The following SGO2 variants were observed in gnomAD, a reference collection of about 807,000 sequenced individuals.
SGO2 encodes the protein shugoshin 2, also known as shugoshin-like 2.
In SGO2, 68 loss-of-function variants were observed where a neutral mutation model predicts 99.5. That is an observed-to-expected ratio of 0.68 (90% confidence interval 0.56 to 0.84). The LOEUF (loss-of-function observed/expected upper bound fraction) is 0.84. Among genes scored for constraint, SGO2 ranks in the 40% least tolerant of loss-of-function variants. SGO2 has a pLI of 0.00. For missense variants in SGO2, 1,350 were observed against 1,436.7 expected (o/e 0.94, Z 0.97); for synonymous variants, 457 against 487.1 (o/e 0.94, Z 0.81).
chr2:200,553,041 G>A (rs947181069), intron 5 of SGO2, among the ~76,000 whole-genome samples: 3 of 152,156 alleles, frequency 2.0e-5, no homozygotes, highest in African/African-American at 7.2e-5. Context: ...CTGAATAGGG[G>A]TGATAATATT....
intron 5 of SGO2, among the ~76,000 whole-genome samples, chr2:200,562,416 A>C (rs1412978235): frequency 6.6e-6 from 1 of 152,074 alleles, no homozygotes; most frequent in Non-Finnish European, 1.5e-5. Flanking sequence ...ATTGGTCTAT[A>C]TCTCTGTTTT....
At chr2:200,532,839 A>T in intron 1 of SGO2, 135 bp from the exon 2 acceptor site, 1 of 951,498 alleles carries the variant, frequency 1.1e-6, no homozygotes, top group Non-Finnish European at 1.5e-6. Context: ...ATACTTTCAG[A>T]TTTTATGTAA....
At chr2:200,548,452 G>A (rs968439044) in intron 5 of SGO2, among the ~76,000 whole-genome samples, 1 of 151,970 alleles carries the variant, frequency 6.6e-6, no homozygotes, top group African/African-American at 2.4e-5. Flanking sequence ...AAGTGTATGG[G>A]GTATGGCAAA....
intron 5 of SGO2, among the ~76,000 whole-genome samples, chr2:200,565,619 G>A (rs1284041960): frequency 1.3e-5 from 2 of 152,122 alleles, no homozygotes; most frequent in Admixed American, 6.5e-5. Context: ...GCCTTGCTAG[G>A]CTGGGGAAGT....
intron 8 of SGO2, chr2:200,580,610 T>C: frequency 6.5e-6 from 2 of 309,222 alleles, no homozygotes; most frequent in Non-Finnish European, 1.3e-5. Context: ...GGTGAGAGGA[T>C]CACTTGAGCC....
rs35987478 is a variant in SGO2 at position 200,572,605 on chromosome 2, C to A, written c.2259C>A (p.Ile753=). The A allele has an allele frequency of 0.23, 376,884 of 1,611,856 alleles. 45,360 individuals are homozygous for A. Among genetic ancestry groups the A allele is most frequent in the East Asian group, 0.29 (13,037 of 44,814 alleles). The part of the protein sequence containing the change: ...SLFLTQKDKE[I]IPGNLEDPSE... ...TTTTAACGCAAAAAGATAAGGAAAT[C>A]ATCCCTGGAAACCTAGAAGACCCAA... is the stretch of plus-strand genomic sequence containing the variant. Residue 753 remains isoleucine (I), a synonymous_variant, in exon 7 of 9, where the codon ATC becomes ATA. Transcript: ENST00000357799.
chr2:200,579,466 T>C (rs1348062125), intron 8 of SGO2, among the ~76,000 whole-genome samples: 1 of 152,228 alleles, frequency 6.6e-6, no homozygotes, highest in Non-Finnish European at 1.5e-5. Context: ...TGTTGAAGTA[T>C]TTTTGTCTCT....
At chr2:200,547,295 A>G (rs948471162) in intron 5 of SGO2, among the ~76,000 whole-genome samples, 1 of 152,240 alleles carries the variant, frequency 6.6e-6, no homozygotes, top group African/African-American at 2.4e-5. Flanking sequence ...ATTGTCATGC[A>G]AATTTAAAGG....
chr2:200,533,537 G>A (rs2031528601), intron 2 of SGO2, among the ~76,000 whole-genome samples: 1 of 148,070 alleles, frequency 6.8e-6, no homozygotes, highest in Non-Finnish European at 1.5e-5. Context: ...GTGTGTGTGT[G>A]TGTGTGTGTG....
At chr2:200,537,832 A>G (rs766286649) in intron 4 of SGO2, among the ~76,000 whole-genome samples, 1 of 152,172 alleles carries the variant, frequency 6.6e-6, no homozygotes, top group Non-Finnish European at 1.5e-5. Context: ...TCTAAAAGCC[A>G]TCTCAAATTT....
At chr2:200,579,989 GTGGGACTC>G (rs2033787082) in intron 8 of SGO2, among the ~76,000 whole-genome samples, 1 of 152,064 alleles carries the variant, frequency 6.6e-6, no homozygotes, top group Non-Finnish European at 1.5e-5. Context: ...TTTTAGAACA[GTGGGACTC>G]TCTGGTTTTT....
intron 8 of SGO2, among the ~76,000 whole-genome samples, chr2:200,582,177 C>T (rs781082016): frequency 2.0e-5 from 3 of 152,148 alleles, no homozygotes; most frequent in Non-Finnish European, 2.9e-5. Flanking sequence ...CATTTCTTAA[C>T]TAATGACTAT....
At chr2:200,530,103 A>C (rs2031301282) in intron 1 of SGO2, among the ~76,000 whole-genome samples, 1 of 148,588 alleles carries the variant, frequency 6.7e-6, no homozygotes. Flanking sequence ...TAGTGGAGAG[A>C]CCGTACTAAG....
chr2:200,551,137 CA>C (rs551794323), intron 5 of SGO2, among the ~76,000 whole-genome samples: 3 of 149,878 alleles, frequency 2.0e-5, no homozygotes, highest in Non-Finnish European at 3.0e-5. Context: ...AGTATATATC[CA>C]AAAAAAAAGG....
At chr2:200,578,887 A>G (rs190121389) in intron 8 of SGO2, among the ~76,000 whole-genome samples, 7 of 152,020 alleles carry the variant, frequency 4.6e-5, no homozygotes, top group Middle Eastern at 3.4e-3. Context: ...GAATCTTAGG[A>G]TGGTATTGAC....
chr2:200,573,717 TG>T lies in SGO2; in HGVS notation c.3373del (p.Val1125SerfsTer35). 6.2e-7 allele frequency: 1 copy of T among 1,612,514 alleles called. No homozygotes were observed. Among genetic ancestry groups the T allele is most frequent in the South Asian group, 1.1e-5 (1 of 90,728 alleles). On this transcript the variant is annotated frameshift_variant, in exon 7 of 9. Coordinates refer to ENST00000357799, the MANE Select transcript of SGO2 (RefSeq NM_152524.6). LOFTEE classifies it high-confidence loss of function. ...GAAAACAATTTGGAGAATGAGAAAA[TG>T]GTCAAAAATAAGCCAGACTTTTACA... ...DKENNLENEK[M>X]VKNKPDFYTK... is the part of the protein sequence containing the mutation.
intron 5 of SGO2, among the ~76,000 whole-genome samples, chr2:200,553,169 A>T (rs1455534817): frequency 2.0e-5 from 3 of 152,228 alleles, no homozygotes. Flanking sequence ...TACCTGGAAG[A>T]TTAATAAGTG....
At position 200,571,288 on chromosome 2, in the gene SGO2, T is replaced by A. The variant is rs1419802572; in HGVS notation, c.942T>A (p.His314Gln). 2.5e-6 allele frequency: 4 copies of A among 1,613,252 alleles called. No homozygotes were observed. The highest frequency in any genetic ancestry group is 1.6e-4 in the Middle Eastern group (1 of 6,062). Residue 314 changes from histidine to glutamine, a missense_variant, in exon 7 of 9, where the codon CAT (histidine) becomes CAA (glutamine). Transcript: ENST00000357799. ...ATTGCAATAATGAGATAAATGGTCATACTAATGAAACAAATACTGAAATGC... is the reference window on the plus strand; with the variant it reads ...ATTGCAATAATGAGATAAATGGTCAAACTAATGAAACAAATACTGAAATGC... ...ELNCNNEING[H>Q]TNETNTEMQR...
At chr2:200,561,387 T>A (rs1482555370) in intron 5 of SGO2, among the ~76,000 whole-genome samples, 1 of 152,238 alleles carries the variant, frequency 6.6e-6, no homozygotes, top group Non-Finnish European at 1.5e-5. Context: ...TCCTTTTTTA[T>A]GGCTGCATAG....
Sources: allele counts gnomAD v4.1 joint callset (sites outside exome capture counted in the v4.1 genomes callset), GRCh38; gene constraint gnomAD v4.1.1; transcripts MANE v1.5; gene names NCBI Gene and HGNC (gene_info 2026-07-23, HGNC 2026-07-21).